GALNT13: variants seen among roughly 807,000 people sequenced by gnomAD.
GALNT13 encodes the protein UDP-GalNAc:polypeptide N-acetylgalactosaminyltransferase 13.
GALNT13 carries 28 observed loss-of-function variants against 64.2 expected under a neutral mutation model. The ratio of observed to expected loss-of-function variants is 0.44; its 90% confidence interval spans 0.32 to 0.60. The LOEUF is 0.60. Ranked by LOEUF, GALNT13 falls within the 20% of genes least tolerant of loss-of-function variation. The pLI, the probability that GALNT13 is intolerant of heterozygous loss-of-function variation, is 0.05. For synonymous variants in GALNT13, 214 were observed against 224.6 expected, an observed-to-expected ratio of 0.95 and a Z score of 0.42; for missense variants, 577 against 669.8, an observed-to-expected ratio of 0.86 and a Z score of 1.53.
At chr2:153,528,420 G>A in the GALNT13 span, among the ~76,000 whole-genome samples, 1 of 151,940 alleles carries the variant, frequency 6.6e-6, no homozygotes, top group Non-Finnish European at 1.5e-5. Flanking sequence ...GGAGTACTCA[G>A]ATATATAAAG....
In GALNT13 at chr2:154,077,398, C is replaced by G. The variant is rs894456988; in HGVS notation, c.143-62939C>G. ...TATAAATTCCTCATGGAGAAGTGAT[C>G]ATGAGGTCTGAATAGAATCAGGTAA... On this transcript the variant is annotated intron_variant, in intron 3 of 12. Coordinates refer to ENST00000392825, the MANE Select transcript of GALNT13 (RefSeq NM_052917.4). 2.0e-5 allele frequency among the ~76,000 whole-genome samples: 3 copies of G among 151,270 alleles called. No homozygotes were observed. The Admixed American group carries it at 2.0e-4, about 10-fold the overall frequency.
At chr2:153,563,122 C>T in the GALNT13 span, among the ~76,000 whole-genome samples, 2 of 151,268 alleles carry the variant, frequency 1.3e-5, no homozygotes, top group Non-Finnish European at 2.9e-5. Flanking sequence ...ATTTTTTCTC[C>T]TTGATATCCT....
chr2:153,492,480 A>C, the GALNT13 span, among the ~76,000 whole-genome samples: 1 of 152,202 alleles, frequency 6.6e-6, no homozygotes, highest in Non-Finnish European at 1.5e-5. Context: ...AGGTGAGTGC[A>C]AGCGGTCTAC....
At chr2:153,627,247 T>C in the GALNT13 span, among the ~76,000 whole-genome samples, 1 of 152,088 alleles carries the variant, frequency 6.6e-6, no homozygotes, top group Non-Finnish European at 1.5e-5. Flanking sequence ...TTTCCAAACC[T>C]AGAAATATCA....
the GALNT13 span, among the ~76,000 whole-genome samples, chr2:153,288,648 G>A: frequency 6.6e-6 from 1 of 152,078 alleles, no homozygotes; most frequent in Non-Finnish European, 1.5e-5. Flanking sequence ...ACCAAATAAC[G>A]GCTCCAAAGA....
chr2:153,969,208 A>G lies in GALNT13; in HGVS notation c.142+24569A>G, dbSNP rs536910681. ...TCCATTTTTTGAGGATTAAAGAGGT[A>G]AACTAAAAAAATGCATTAGGCATCA... is the stretch of plus-strand genomic sequence containing the variant. On this transcript the variant is annotated intron_variant, in intron 3 of 12. Coordinates refer to ENST00000392825, the MANE Select transcript of GALNT13 (RefSeq NM_052917.4). 2.0e-5 allele frequency among the ~76,000 whole-genome samples: 3 copies of G among 152,242 alleles called. No individual in the cohort carries two copies. The South Asian group carries it at 6.2e-4, about 32-fold the overall frequency.
At chr2:153,775,624 C>A in the GALNT13 span, among the ~76,000 whole-genome samples, 3 of 152,004 alleles carry the variant, frequency 2.0e-5, no homozygotes, top group African/African-American at 7.2e-5. Context: ...ATTAGGGACA[C>A]TAAGTCTAAT....
chr2:153,619,688 T>G, the GALNT13 span, among the ~76,000 whole-genome samples: 1 of 152,136 alleles, frequency 6.6e-6, no homozygotes, highest in Non-Finnish European at 1.5e-5. Flanking sequence ...TTCTTCTTCA[T>G]GTTTGAAAGA....
chr2:153,113,697 GTGTTTAT>G, the GALNT13 span, among the ~76,000 whole-genome samples: 1 of 151,976 alleles, frequency 6.6e-6, no homozygotes, highest in Admixed American at 6.6e-5. Context: ...ACTAAGAAAT[GTGTTTAT>G]TGTTGTCATA....
the GALNT13 span, among the ~76,000 whole-genome samples, chr2:153,082,618 TACACACACACACACACACAC>T: frequency 8.3e-4 from 25 of 30,194 alleles, no homozygotes; most frequent in African/African-American, 3.1e-3. Context: ...TATATATATA[TACACACACACACACACACAC>T]ACACACACAC....
chr2:154,263,154 G>A (rs1690794920), intron 8 of GALNT13, among the ~76,000 whole-genome samples: 2 of 152,178 alleles, frequency 1.3e-5, no homozygotes, highest in Admixed American at 1.3e-4. Flanking sequence ...CTGTCTCACA[G>A]CCATGAATGG....
the GALNT13 span, among the ~76,000 whole-genome samples, chr2:153,191,393 A>G: frequency 1.3e-5 from 2 of 152,138 alleles, no homozygotes; most frequent in Admixed American, 6.5e-5. Context: ...AGGTTGAGCT[A>G]TCATAATATT....
the GALNT13 span, among the ~76,000 whole-genome samples, chr2:153,694,751 A>C: frequency 6.6e-6 from 1 of 152,198 alleles, no homozygotes; most frequent in Non-Finnish European, 1.5e-5. Context: ...TTTTAAATAA[A>C]AATGAAAGAT....
chr2:153,240,083 C>G, the GALNT13 span, among the ~76,000 whole-genome samples: 3 of 152,092 alleles, frequency 2.0e-5, no homozygotes, highest in African/African-American at 7.2e-5. Context: ...TCCATTTCTT[C>G]TAGGTTTTTC....
At chr2:154,316,901 G>A (rs1694347626) in intron 9 of GALNT13, among the ~76,000 whole-genome samples, 1 of 152,162 alleles carries the variant, frequency 6.6e-6, no homozygotes, top group South Asian at 2.1e-4. Flanking sequence ...ACAGTGAAAG[G>A]AATGGAGCTT....
At chr2:153,538,287 A>G in the GALNT13 span, among the ~76,000 whole-genome samples, 5 of 137,558 alleles carry the variant, frequency 3.6e-5, no homozygotes, top group Admixed American at 3.6e-4. Context: ...TATTTAGGGT[A>G]TCAGGTAGAA....
the GALNT13 span, among the ~76,000 whole-genome samples, chr2:153,081,425 G>A: frequency 6.6e-6 from 1 of 151,962 alleles, no homozygotes; most frequent in South Asian, 2.1e-4. Context: ...ATTGATTCTA[G>A]TCACCTTATT....
chr2:153,726,724 A>G, the GALNT13 span, among the ~76,000 whole-genome samples: 1 of 152,028 alleles, frequency 6.6e-6, no homozygotes, highest in Non-Finnish European at 1.5e-5. Context: ...GCGGATCACA[A>G]GGTCAGGAGA....
intron 9 of GALNT13, among the ~76,000 whole-genome samples, chr2:154,346,368 T>A (rs1425007638): frequency 1.3e-5 from 2 of 152,054 alleles, no homozygotes; most frequent in Non-Finnish European, 2.9e-5. Context: ...TCTAAAGTTA[T>A]ATCCTGATAC....
Sources: gnomAD v4.1 joint callset for allele counts (sites outside exome capture counted in the v4.1 genomes callset) on GRCh38, gnomAD v4.1.1 for gene constraint, MANE v1.5 for transcripts, NCBI Gene and HGNC (gene_info 2026-07-23, HGNC 2026-07-21) for gene names.